Variants in NELL1 observed in about 807,000 individuals in gnomAD.
NELL1 encodes the protein neural EGFL like 1, also known as protein kinase C-binding protein NELL1.
A neutral mutation model predicts 107.4 loss-of-function variants in NELL1; 76 were observed. The ratio of observed to expected loss-of-function variants is 0.71; its 90% CI spans 0.59 to 0.86. The LOEUF (loss-of-function observed/expected upper bound fraction) is 0.86. NELL1 is among the 40% of genes least tolerant of loss of function. NELL1 has a pLI of 0.00. For missense variants in NELL1, 1,024 were observed against 1,005.5 expected (o/e 1.02, Z -0.25); for synonymous variants, 353 against 341.2 (o/e 1.03, Z -0.38).
At chr11:20,723,858 T>G (rs1377966632) in intron 2 of NELL1, among the ~76,000 whole-genome samples, 2 of 152,178 alleles carry the variant, frequency 1.3e-5, no homozygotes, top group Non-Finnish European at 2.9e-5. Flanking sequence ...CTCTGAAATC[T>G]AGGTGGAGGT....
intron 13 of NELL1, among the ~76,000 whole-genome samples, chr11:21,212,812 T>C (rs555475293): frequency 1.3e-5 from 2 of 152,316 alleles, no homozygotes; most frequent in African/African-American, 4.8e-5. Context: ...AAAGCAGTGA[T>C]GTCTGCACTT....
At chr11:21,559,418 T>G (rs538740040) in intron 16 of NELL1, among the ~76,000 whole-genome samples, 155 of 152,204 alleles carry the variant, frequency 1.0e-3, no homozygotes, top group African/African-American at 3.7e-3. Flanking sequence ...GGTTTGTGTT[T>G]GAGATGTTGT....
At chr11:21,170,076 C>T (rs754391771) in intron 13 of NELL1, 18 of 1,050,984 alleles carry the variant, frequency 1.7e-5, no homozygotes, top group Non-Finnish European at 2.5e-5. Flanking sequence ...CTCTTGGAGT[C>T]CAAGTTCTTT....
chr11:20,824,584 A>T (rs917742991), intron 3 of NELL1, among the ~76,000 whole-genome samples: 2 of 151,356 alleles, frequency 1.3e-5, no homozygotes, highest in African/African-American at 2.4e-5. Flanking sequence ...GGCTTTGCCC[A>T]AAATGCTGAT....
At chr11:21,038,619 T>C (rs1853152550) in intron 12 of NELL1, among the ~76,000 whole-genome samples, 1 of 152,210 alleles carries the variant, frequency 6.6e-6, no homozygotes, top group Admixed American at 6.5e-5. Flanking sequence ...TTCCTGACCA[T>C]CCTGGTCTCT....
At chr11:20,965,591 CA>C (rs1389299085) in intron 12 of NELL1, among the ~76,000 whole-genome samples, 1 of 152,102 alleles carries the variant, frequency 6.6e-6, no homozygotes, top group African/African-American at 2.4e-5. Context: ...TGGAAAAACA[CA>C]AGTGGAATTG....
At chr11:21,415,842 A>C (rs1298183048) in intron 15 of NELL1, among the ~76,000 whole-genome samples, 1 of 152,100 alleles carries the variant, frequency 6.6e-6, no homozygotes, top group Non-Finnish European at 1.5e-5. Flanking sequence ...GATGTATGCC[A>C]AATGACACTT....
chr11:20,975,671 AT>A (rs1851595315), intron 12 of NELL1, among the ~76,000 whole-genome samples: 1 of 109,716 alleles, frequency 9.1e-6, no homozygotes, highest in African/African-American at 4.2e-5. Context: ...TAATATACAT[AT>A]TATATATGTA....
At chr11:21,167,362 T>A (rs917258648) in intron 13 of NELL1, among the ~76,000 whole-genome samples, 7 of 151,314 alleles carry the variant, frequency 4.6e-5, no homozygotes, top group South Asian at 4.2e-4. Context: ...TTGGGTACTG[T>A]TTTTTTTGGC....
intron 2 of NELL1, among the ~76,000 whole-genome samples, chr11:20,700,591 G>T (rs966121971): frequency 6.6e-6 from 1 of 152,078 alleles, no homozygotes; most frequent in Non-Finnish European, 1.5e-5. Flanking sequence ...CATGTGCCAT[G>T]TTGGTGTGCG....
intron 13 of NELL1, among the ~76,000 whole-genome samples, chr11:21,144,649 A>C (rs954170505): frequency 6.6e-6 from 1 of 152,180 alleles, no homozygotes; most frequent in Non-Finnish European, 1.5e-5. Flanking sequence ...TTTGCACTAG[A>C]GTCTGCTGCT....
At chr11:20,842,311 G>C (rs1429779) in intron 3 of NELL1, among the ~76,000 whole-genome samples, 2 of 151,704 alleles carry the variant, frequency 1.3e-5, no homozygotes, top group Admixed American at 1.3e-4. Context: ...ATGGGAGGTG[G>C]AGGTTGCAGT....
At chr11:21,453,314 T>C (rs1344560256) in intron 15 of NELL1, among the ~76,000 whole-genome samples, 1 of 151,548 alleles carries the variant, frequency 6.6e-6, no homozygotes, top group African/African-American at 2.4e-5. Context: ...GCATTTAGGA[T>C]TTTTATGACT....
At position 21,511,156 on chromosome 11, in the gene NELL1, G is replaced by T. The variant is rs1590992609; in HGVS notation, c.1646-23218G>T. Among the ~76,000 whole-genome samples the T allele has an allele frequency of 2.0e-5, 3 of 151,860 alleles. No individual in the cohort carries two copies. The East Asian group carries it at 5.9e-4, about 30-fold the overall frequency. The stretch of plus-strand genomic sequence containing the variant: ...GTGTGCTAGGTGTTGTGTTATTGTT[G>T]TTAATCACTATTATTACTGAGATGT... On this transcript the variant is annotated intron_variant, in intron 15 of 19. Transcript: ENST00000357134.
Position 21,023,113 on chromosome 11 carries a change from G to A in NELL1, c.1300+62553G>A, listed in dbSNP as rs567917777. 1.0e-3 allele frequency among the ~76,000 whole-genome samples: 159 copies of A among 152,104 alleles called. 2 individuals are homozygous for A. The highest frequency in any genetic ancestry group is 3.8e-3 in the African/African-American group (156 of 41,512). ...GTATTTCAAATTTATAGGGAAATTT[G>A]AAAAGCAAAACACTATAAAGACCCA... On this transcript the variant is annotated intron_variant, in intron 12 of 19. Transcript: ENST00000357134.
chr11:20,957,672 G>A (rs1157730288), intron 11 of NELL1, among the ~76,000 whole-genome samples: 1 of 151,972 alleles, frequency 6.6e-6, no homozygotes, highest in Non-Finnish European at 1.5e-5. Context: ...TTAAAAAAAT[G>A]AAAGAATAAG....
At chr11:20,945,610 A>G (rs1414581730) in intron 10 of NELL1, among the ~76,000 whole-genome samples, 1 of 152,236 alleles carries the variant, frequency 6.6e-6, no homozygotes, top group African/African-American at 2.4e-5. Context: ...ATTGAAGGAT[A>G]GACTTAGAGG....
intron 15 of NELL1, among the ~76,000 whole-genome samples, chr11:21,412,542 T>G (rs1852404054): frequency 6.6e-6 from 1 of 152,126 alleles, no homozygotes; most frequent in South Asian, 2.1e-4. Flanking sequence ...ACCCATGTTT[T>G]TCTAATCATG....
rs977544756 is a variant in NELL1, at chr11:20,712,490, C to T, written c.184+34430C>T. Among the ~76,000 whole-genome samples, 2 of 152,244 alleles carry T rather than the reference C, an allele frequency of 1.3e-5. 1 individual carries two copies. The highest frequency in any genetic ancestry group is 4.1e-4 in the South Asian group (2 of 4,832). ...TGAATTTATCTGACAATTCAGATTT[C>T]TTCTTGGTTTGGATCCATTGCTGGG... On this transcript the variant is annotated intron_variant, in intron 2 of 19. Coordinates refer to ENST00000357134, the MANE Select transcript of NELL1 (RefSeq NM_006157.5).
Sources: gnomAD v4.1 joint callset for allele counts (sites outside exome capture counted in the v4.1 genomes callset) on GRCh38, gnomAD v4.1.1 for gene constraint, MANE v1.5 for transcripts, NCBI Gene and HGNC (gene_info 2026-07-23, HGNC 2026-07-21) for gene names.